CGNL1: variants seen among roughly 807,000 people sequenced by gnomAD.
CGNL1 encodes the protein cingulin like 1, also known as cingulin-like protein 1.
In CGNL1, 132 loss-of-function variants were observed where a neutral mutation model predicts 141.2. The ratio of observed to expected loss-of-function variants is 0.93; its 90% confidence interval spans 0.81 to 1.08. The LOEUF is 1.08. Among genes scored for constraint, CGNL1 ranks in the 50% least tolerant of loss-of-function variants. The pLI is 0.00. For missense variants in CGNL1, 1,870 were observed against 1,588.6 expected (o/e 1.18, Z -3.01); for synonymous variants, 690 against 622.1 (o/e 1.11, Z -1.63).
At chr15:57,435,576 G>T (rs1269377252) in intron 1 of CGNL1, among the ~76,000 whole-genome samples, 3 of 152,060 alleles carry the variant, frequency 2.0e-5, no homozygotes, top group African/African-American at 7.2e-5. Context: ...GAATTGGTGA[G>T]ATAATGATAA....
At chr15:57,432,971 C>T (rs2063062336) in intron 1 of CGNL1, among the ~76,000 whole-genome samples, 2 of 152,122 alleles carry the variant, frequency 1.3e-5, no homozygotes, top group Non-Finnish European at 2.9e-5. Context: ...TTTGAATGGA[C>T]CATAAATCCT....
At chr15:57,381,688 T>G (rs2062426684) in intron 1 of CGNL1, among the ~76,000 whole-genome samples, 1 of 152,224 alleles carries the variant, frequency 6.6e-6, no homozygotes, top group Non-Finnish European at 1.5e-5. Context: ...AGAAATTGTG[T>G]TCTCAGTGCC....
At chr15:57,432,822 G>A (rs2063060854) in intron 1 of CGNL1, among the ~76,000 whole-genome samples, 1 of 152,202 alleles carries the variant, frequency 6.6e-6, no homozygotes, top group Non-Finnish European at 1.5e-5. Flanking sequence ...TGTTGTCAAG[G>A]AAATGTAAAT....
In CGNL1 at chr15:57,406,549, C is replaced by T. The variant is rs565118094; in HGVS notation, c.-16+29982C>T. 2.0e-5 allele frequency among the ~76,000 whole-genome samples: 3 copies of T among 152,266 alleles called. No homozygotes were observed. The South Asian group carries it at 6.2e-4, about 32-fold the overall frequency. On this transcript the variant is annotated intron_variant, in intron 1 of 18. Coordinates refer to ENST00000281282, the MANE Select transcript of CGNL1 (RefSeq NM_032866.5). ...CCTAGAACTTTCTGTGGAATTTGTT[C>T]TGCAATCATGCGAAGTGGCAGTGGC...
chr15:57,437,637 A>AAAAAAAAAAAAAAAAAAAAAAAC (rs2063122068), intron 1 of CGNL1, among the ~76,000 whole-genome samples: 1 of 143,664 alleles, frequency 7.0e-6, no homozygotes, highest in Non-Finnish European at 1.5e-5. Flanking sequence ...AAAAAAAAAA[A>AAAAAAAAAAAAAAAAAAAAAAAC]AAAAAAAAAA....
At chr15:57,399,757 A>G (rs1567093644) in intron 1 of CGNL1, among the ~76,000 whole-genome samples, 1 of 151,858 alleles carries the variant, frequency 6.6e-6, no homozygotes, top group African/African-American at 2.4e-5. Flanking sequence ...TAATCCTAGC[A>G]CTCTGGGCGG....
chr15:57,378,826 T>C (rs1482024532), intron 1 of CGNL1, among the ~76,000 whole-genome samples: 13 of 152,202 alleles, frequency 8.5e-5, no homozygotes, highest in African/African-American at 1.7e-4. Flanking sequence ...TTTTGCCCAC[T>C]TGGTTTTCTC....
Position 57,467,480 on chromosome 15 carries a change from G to T in CGNL1, c.2403+5588G>T, listed in dbSNP as rs540459982. Among the ~76,000 whole-genome samples, 31 of 152,196 alleles carry T rather than the reference G, an allele frequency of 2.0e-4. 1 individual carries two copies. The highest frequency in any genetic ancestry group is 5.8e-4 in the African/African-American group (24 of 41,538). On this transcript the variant is annotated intron_variant, in intron 8 of 18. Transcript: ENST00000281282. ...GCTTTGTGGAGAAAATGAAGTTAAG[G>T]TGGCTACAGATTCAGAGACTTAAGG... is the stretch of plus-strand genomic sequence containing the variant.
intron 15 of CGNL1, 30 bp downstream of exon 15, chr15:57,543,809 C>G (rs375179913): frequency 2.4e-5 from 38 of 1,551,070 alleles, no homozygotes; most frequent in African/African-American, 1.5e-4. Flanking sequence ...GAGCTGCCCC[C>G]CCGTCCATCC....
chr15:57,445,240 C>A (rs1169033362), intron 4 of CGNL1, among the ~76,000 whole-genome samples: 3 of 152,182 alleles, frequency 2.0e-5, no homozygotes. Flanking sequence ...GCCTGGGTGA[C>A]AGAATGAGTC....
intron 10 of CGNL1, among the ~76,000 whole-genome samples, chr15:57,520,477 A>G (rs981992666): frequency 3.3e-5 from 5 of 152,152 alleles, no homozygotes; most frequent in African/African-American, 1.2e-4. Context: ...TTTATGTCTG[A>G]TTTACCATGA....
chr15:57,504,325 T>C lies in CGNL1; in HGVS notation c.2404-12455T>C, dbSNP rs371378179. 3.0e-4 allele frequency among the ~76,000 whole-genome samples: 46 copies of C among 152,310 alleles called. No individual in the cohort carries two copies. The East Asian group carries it at 5.2e-3, about 17-fold the overall frequency. ...AGTTGACGGGCTCAGAGTTGCATGG[T>C]TGATGGGCGGCTGAGCCAGGATTTA... On this transcript the variant is annotated intron_variant, in intron 8 of 18. Transcript: ENST00000281282.
Position 57,547,368 on chromosome 15 carries a change from C to G in CGNL1, c.3787C>G (p.Pro1263Ala). ...MKKDLRLKKL[P>A]SKVLDDMDDD... ...TCATTTCAGCAGACTGAAGAAGCTG[C>G]CGAGTAAAGTGCTGGATGACATGGA... Residue 1263 changes from proline (P) to alanine (A), a missense_variant, in exon 19 of 19, where the codon CCG becomes GCG. Physicochemically the swap from Pro to Ala is conservative, Grantham distance 27 (BLOSUM62 -1). Transcript: ENST00000281282. 1 of 1,614,144 alleles carries G rather than the reference C, an allele frequency of 6.2e-7. No individual in the cohort carries two copies. The highest frequency in any genetic ancestry group is 1.1e-5 in the South Asian group (1 of 91,066).
intron 8 of CGNL1, among the ~76,000 whole-genome samples, chr15:57,494,372 C>A (rs1424593496): frequency 1.3e-5 from 2 of 152,122 alleles, no homozygotes; most frequent in Non-Finnish European, 2.9e-5. Context: ...GTCTCTAGGA[C>A]CCTCCTGTGG....
intron 1 of CGNL1, among the ~76,000 whole-genome samples, chr15:57,423,811 C>T (rs1328680121): frequency 2.0e-5 from 3 of 152,186 alleles, no homozygotes; most frequent in African/African-American, 7.2e-5. Context: ...GATCCTCATT[C>T]TGAATGTGGG....
rs549378720 is a variant in CGNL1 at position 57,441,855 on chromosome 15, A to AC, written c.1698-517dup. ...CTCCGTGTTACCTGTGAAAGCCCAG[A>AC]CAAAGGGCTGCCATGCTGATAATCT... is the stretch of plus-strand genomic sequence containing the variant. On this transcript the variant is annotated intron_variant, in intron 3 of 18. Coordinates refer to ENST00000281282, the MANE Select transcript of CGNL1 (RefSeq NM_032866.5). Among the ~76,000 whole-genome samples the AC allele has an allele frequency of 7.2e-5, 11 of 152,284 alleles. No individual in the cohort carries two copies. The East Asian group carries it at 2.1e-3, about 29-fold the overall frequency.
At chr15:57,543,580 TAGGGCAACCCCCTTCATA>T in intron 14 of CGNL1, 98 bp from the exon 15 acceptor site, 1 of 861,864 alleles carries the variant, frequency 1.2e-6, no homozygotes. Flanking sequence ...AGGGGCTGGG[TAGGGCAACCCCCTTCATA>T]AAGTGGAGGT....
intron 8 of CGNL1, among the ~76,000 whole-genome samples, chr15:57,498,183 G>C (rs1217446243): frequency 9.3e-5 from 14 of 150,712 alleles, no homozygotes; most frequent in Admixed American, 9.3e-4. Flanking sequence ...AGAATATATA[G>C]TCTTGTGTTG....
intron 7 of CGNL1, 36 bp downstream of exon 7, chr15:57,453,854 C>T: frequency 1.9e-6 from 3 of 1,608,334 alleles, no homozygotes; most frequent in Non-Finnish European, 2.5e-6. Context: ...ATAAGACAGG[C>T]CCCACCTGCC....
Sources: allele counts gnomAD v4.1 joint callset (sites outside exome capture counted in the v4.1 genomes callset), GRCh38; gene constraint gnomAD v4.1.1; transcripts MANE v1.5; gene names NCBI Gene and HGNC (gene_info 2026-07-23, HGNC 2026-07-21).